Variants in MARCHF10 observed in about 807,000 individuals in gnomAD.
MARCHF10 encodes the protein membrane associated ring-CH-type finger 10, also known as probable E3 ubiquitin-protein ligase MARCHF10.
Under a neutral mutation model 76.2 loss-of-function variants are expected in MARCHF10, and 64 were observed. The observed-to-expected ratio is 0.84, with a 90% CI of 0.69 to 1.03. The LOEUF is 1.03. Ranked by LOEUF, MARCHF10 falls within the 50% of genes least tolerant of loss-of-function variation. MARCHF10 has a pLI of 0.00. For missense variants in MARCHF10, 875 were observed against 958.0 expected (o/e 0.91, Z 1.14); for synonymous variants, 340 against 357.5 (o/e 0.95, Z 0.55).
intron 2 of MARCHF10, among the ~76,000 whole-genome samples, chr17:62,794,829 TTTG>T (rs1003738337): frequency 1.3e-5 from 2 of 152,220 alleles, no homozygotes; most frequent in Admixed American, 1.3e-4. Context: ...TTGGTTTCTT[TTTG>T]TTGTTGTTCT....
At chr17:62,726,649 T>C (rs1238170244) in intron 6 of MARCHF10, among the ~76,000 whole-genome samples, 2 of 152,162 alleles carry the variant, frequency 1.3e-5, no homozygotes, top group Non-Finnish European at 2.9e-5. Flanking sequence ...GTTGTTTGTT[T>C]TGAGATGGAG....
At chr17:62,740,801 A>AT (rs1311806998) in intron 5 of MARCHF10, among the ~76,000 whole-genome samples, 4 of 151,544 alleles carry the variant, frequency 2.6e-5, no homozygotes, top group Non-Finnish European at 5.9e-5. Flanking sequence ...TCATTTTAAA[A>AT]TTTTTTTCTA....
At chr17:62,804,714 T>G (rs2093135516) in intron 1 of MARCHF10, among the ~76,000 whole-genome samples, 1 of 152,194 alleles carries the variant, frequency 6.6e-6, no homozygotes, top group East Asian at 1.9e-4. Flanking sequence ...AAAATGGCAC[T>G]GTTAATAACG....
At chr17:62,716,480 G>C (rs532146347) in intron 8 of MARCHF10, among the ~76,000 whole-genome samples, 23 of 151,790 alleles carry the variant, frequency 1.5e-4, no homozygotes, top group African/African-American at 5.3e-4. Flanking sequence ...ACACACCTGT[G>C]GACCCAGCTA....
At chr17:62,746,757 C>T in intron 4 of MARCHF10, 1 of 807,112 alleles carries the variant, frequency 1.2e-6, no homozygotes, top group Non-Finnish European at 1.9e-6. Context: ...AAGAATTTCA[C>T]TTTGATTTCC....
chr17:62,796,710 C>T (rs1185189245), intron 2 of MARCHF10, among the ~76,000 whole-genome samples: 3 of 152,102 alleles, frequency 2.0e-5, no homozygotes, highest in Non-Finnish European at 2.9e-5. Flanking sequence ...AATGTGCAGC[C>T]GGGTGCGGTG....
intron 2 of MARCHF10, among the ~76,000 whole-genome samples, chr17:62,790,399 C>T (rs951749194): frequency 3.9e-5 from 6 of 152,192 alleles, no homozygotes; most frequent in Admixed American, 1.3e-4. Context: ...TGGTCTTGAA[C>T]TCCTGACCTC....
chr17:62,705,267 T>G (rs1331552559), intron 10 of MARCHF10: 1 of 1,402,014 alleles, frequency 7.1e-7, no homozygotes, highest in Non-Finnish European at 9.2e-7. Flanking sequence ...GAACAAATCT[T>G]ATCTCATGCC....
At chr17:62,759,787 A>C (rs761862966) in intron 4 of MARCHF10, 48 bp downstream of exon 4, 55 of 1,585,212 alleles carry the variant, frequency 3.5e-5, no homozygotes, top group Non-Finnish European at 4.6e-5. Context: ...TGTTATTTTT[A>C]ATACCGGGAT....
chr17:62,763,241 A>G (rs775009936), intron 3 of MARCHF10, among the ~76,000 whole-genome samples: 2 of 152,220 alleles, frequency 1.3e-5, no homozygotes, highest in Non-Finnish European at 2.9e-5. Context: ...TTTACTACCT[A>G]TGGTTGAAAC....
intron 6 of MARCHF10, among the ~76,000 whole-genome samples, chr17:62,727,624 C>T (rs1368842189): frequency 1.3e-5 from 2 of 152,122 alleles, no homozygotes. Context: ...GCTAAGCACC[C>T]CCATCAGTCT....
intron 7 of MARCHF10, among the ~76,000 whole-genome samples, chr17:62,722,814 A>G (rs538213274): frequency 1.3e-5 from 2 of 152,298 alleles, no homozygotes; most frequent in African/African-American, 4.8e-5. Flanking sequence ...GCTTCATAGA[A>G]GTGAAATTCC....
chr17:62,734,747 T>C (rs1054126807), intron 6 of MARCHF10, among the ~76,000 whole-genome samples: 5 of 152,186 alleles, frequency 3.3e-5, no homozygotes, highest in Non-Finnish European at 4.4e-5. Context: ...AAGTTTATTA[T>C]ATACAGAAAA....
At position 62,736,674 on chromosome 17, in the gene MARCHF10, C is replaced by CT. The variant is rs2091280418; in HGVS notation, c.1193dup (p.Ser399GlufsTer20). ...ATTTGGTGTCCCACGAAAGAGGGCT[C>CT]TTTTTCGCATTTTCACTGCCACCTC... is the stretch of plus-strand genomic sequence containing the variant. On this transcript the variant is annotated frameshift_variant, in exon 6 of 11. Coordinates refer to ENST00000311269, the MANE Select transcript of MARCHF10 (RefSeq NM_152598.4). LOFTEE classifies it high-confidence loss of function. The CT allele has an allele frequency of 1.2e-6, 2 of 1,614,004 alleles. No individual in the cohort carries two copies. Among genetic ancestry groups the CT allele is most frequent in the African/African-American group, 2.7e-5 (2 of 74,896 alleles).
intron 9 of MARCHF10, among the ~76,000 whole-genome samples, chr17:62,709,670 T>C (rs1473111640): frequency 6.6e-6 from 1 of 152,212 alleles, no homozygotes; most frequent in African/African-American, 2.4e-5. Context: ...GAATGTTTTC[T>C]ACGAGAAATT....
In MARCHF10 at chr17:62,705,241, TC is replaced by T. The variant is rs2089503876; in HGVS notation, c.2371+297del. 25 of 1,343,254 alleles carry T rather than the reference TC, an allele frequency of 1.9e-5. No individual in the cohort carries two copies. In the South Asian group the frequency reaches 3.9e-4, roughly 21 times the overall value. The allele number at this position is 1,343,254 out of a possible 1,614,324, so 83.2% of individuals were successfully genotyped here. ...TCTCCAAGTGCTGGACGCTGGAGAA[TC>T]CCAGCAAGGAAAAGGAACAAATCTT... On this transcript the variant is annotated intron_variant, in intron 10 of 10. Coordinates refer to ENST00000311269, the MANE Select transcript of MARCHF10 (RefSeq NM_152598.4).
chr17:62,793,605 TCAC>T (rs569447178), intron 2 of MARCHF10, among the ~76,000 whole-genome samples: 805 of 65,190 alleles, frequency 0.012, 3 homozygotes, highest in Non-Finnish European at 0.02. Context: ...ACCACCTCTA[TCAC>T]CACCACCACC....
intron 6 of MARCHF10, among the ~76,000 whole-genome samples, chr17:62,733,207 G>A (rs1025221238): frequency 1.1e-4 from 17 of 151,878 alleles, no homozygotes; most frequent in South Asian, 4.2e-4. Context: ...GCTTGTAATC[G>A]CAGCATTTTG....
At chr17:62,777,673 C>CA (rs1353271970) in intron 3 of MARCHF10, among the ~76,000 whole-genome samples, 3 of 134,664 alleles carry the variant, frequency 2.2e-5, no homozygotes, top group Non-Finnish European at 3.1e-5. Flanking sequence ...GAGATCCTGC[C>CA]ACTGCACTCC....
Sources: gnomAD v4.1 joint callset for allele counts (sites outside exome capture counted in the v4.1 genomes callset) on GRCh38, gnomAD v4.1.1 for gene constraint, MANE v1.5 for transcripts, NCBI Gene and HGNC (gene_info 2026-07-23, HGNC 2026-07-21) for gene names.